MEI4: variants seen among roughly 807,000 people sequenced by gnomAD.
MEI4 encodes the protein meiosis-specific protein MEI4.
In MEI4, 27 loss-of-function variants were observed where a neutral mutation model predicts 31.4. That is an observed-to-expected ratio of 0.86 (90% CI 0.63 to 1.19). The LOEUF is 1.19. MEI4 is among the 50% of genes most tolerant of loss of function. The probability of loss-of-function intolerance (pLI) is 0.00; values close to 1 mark genes in which losing one functional copy is unlikely to be tolerated. For missense variants in MEI4, 329 were observed against 398.9 expected (o/e 0.82, Z 1.49); for synonymous variants, 122 against 145.4 (o/e 0.84, Z 1.16).
At chr6:77,716,380 G>A (rs192053110) in intron 2 of MEI4, among the ~76,000 whole-genome samples, 2 of 152,040 alleles carry the variant, frequency 1.3e-5, no homozygotes, top group Non-Finnish European at 2.9e-5. Context: ...TATGGTTAGA[G>A]GAGTTATTCT....
chr6:77,754,992 T>G (rs9343655), intron 2 of MEI4, among the ~76,000 whole-genome samples: 1 of 151,930 alleles, frequency 6.6e-6, no homozygotes, highest in African/African-American at 2.4e-5. Flanking sequence ...TGGGTTTAAT[T>G]TTATGGGTAA....
chr6:77,919,811 G>A (rs1486776938), intron 4 of MEI4, among the ~76,000 whole-genome samples: 1 of 149,000 alleles, frequency 6.7e-6, no homozygotes, highest in African/African-American at 2.4e-5. Flanking sequence ...AAATGATAAA[G>A]GGGATATCAC....
At chr6:77,699,507 C>T (rs1329922681) in intron 2 of MEI4, among the ~76,000 whole-genome samples, 2 of 152,190 alleles carry the variant, frequency 1.3e-5, no homozygotes, top group African/African-American at 2.4e-5. Flanking sequence ...TTTCTATCTT[C>T]TTTGCCATTG....
intron 2 of MEI4, among the ~76,000 whole-genome samples, chr6:77,699,266 TG>T (rs1766144626): frequency 6.9e-6 from 1 of 144,848 alleles, no homozygotes. Context: ...CTCGGCTCAC[TG>T]CAAGCTCGGC....
intron 4 of MEI4, among the ~76,000 whole-genome samples, chr6:77,853,592 T>A (rs1392407401): frequency 6.6e-6 from 1 of 152,202 alleles, no homozygotes; most frequent in African/African-American, 2.4e-5. Context: ...CAGGGTGCTT[T>A]GAAAATTGCA....
At chr6:77,657,482 T>C (rs1323825325) in intron 1 of MEI4, among the ~76,000 whole-genome samples, 2 of 60,242 alleles carry the variant, frequency 3.3e-5, no homozygotes, top group Non-Finnish European at 6.3e-5. Context: ...GAGCTTCCTG[T>C]ATTCTTTGTG....
chr6:77,860,574 C>T (rs1285022192), intron 4 of MEI4, among the ~76,000 whole-genome samples: 1 of 152,066 alleles, frequency 6.6e-6, no homozygotes. Context: ...GCCTTTATGA[C>T]ATTTCAAAGT....
intron 4 of MEI4, among the ~76,000 whole-genome samples, chr6:77,864,070 C>G (rs1229747998): frequency 2.0e-5 from 3 of 152,128 alleles, no homozygotes; most frequent in Admixed American, 6.6e-5. Context: ...TAAAAGAGCT[C>G]CTGAAGGAAG....
upstream of MEI4, among the ~76,000 whole-genome samples, chr6:77,652,164 A>C (rs1009829536): frequency 2.0e-5 from 3 of 152,222 alleles, no homozygotes; most frequent in African/African-American, 7.2e-5. Flanking sequence ...ATATGACTAC[A>C]TTGTGGAGAA....
intron 4 of MEI4, among the ~76,000 whole-genome samples, chr6:77,888,434 A>G (rs574529242): frequency 6.7e-6 from 1 of 149,158 alleles, no homozygotes; most frequent in African/African-American, 2.5e-5. Flanking sequence ...CATTTGCTCT[A>G]CCCTGAGTTT....
At chr6:77,886,322 C>A (rs1368312500) in intron 4 of MEI4, among the ~76,000 whole-genome samples, 2 of 152,132 alleles carry the variant, frequency 1.3e-5, no homozygotes, top group Non-Finnish European at 2.9e-5. Flanking sequence ...TTTCCTGATT[C>A]AATCTTGTTA....
chr6:77,833,192 A>G (rs1770126423), intron 4 of MEI4, among the ~76,000 whole-genome samples: 1 of 151,610 alleles, frequency 6.6e-6, no homozygotes, highest in South Asian at 2.1e-4. Flanking sequence ...TATATTCACC[A>G]TCTTATGACA....
intron 4 of MEI4, among the ~76,000 whole-genome samples, chr6:77,864,861 T>C (rs1050188554): frequency 1.6e-4 from 25 of 152,164 alleles, no homozygotes; most frequent in Middle Eastern, 3.4e-3. Flanking sequence ...TGTAAAAGAA[T>C]AGAAATTATA....
At chr6:77,841,334 T>TATATA (rs1554168570) in intron 4 of MEI4, among the ~76,000 whole-genome samples, 1,833 of 31,260 alleles carry the variant, frequency 0.059, 17 homozygotes, top group East Asian at 0.12. Context: ...TATATATATA[T>TATATA]TTTTTTTTTT....
chr6:77,662,918 G>T (rs1768539886), intron 1 of MEI4, among the ~76,000 whole-genome samples: 3 of 152,212 alleles, frequency 2.0e-5, no homozygotes, highest in Admixed American at 2.0e-4. Flanking sequence ...TGTCTGTGAA[G>T]CTTTGCAGCA....
chr6:77,694,276 T>C (rs926531233), intron 2 of MEI4, among the ~76,000 whole-genome samples: 1 of 152,078 alleles, frequency 6.6e-6, no homozygotes, highest in African/African-American at 2.4e-5. Context: ...TTTATTATTA[T>C]TACACTTTAA....
At chr6:77,765,254 T>C (rs183869449) in intron 3 of MEI4, among the ~76,000 whole-genome samples, 2 of 149,582 alleles carry the variant, frequency 1.3e-5, no homozygotes, top group Non-Finnish European at 2.9e-5. Flanking sequence ...GAAGTGATTA[T>C]ATCTTATTTT....
intron 2 of MEI4, among the ~76,000 whole-genome samples, chr6:77,696,909 G>A (rs979850493): frequency 5.3e-5 from 8 of 152,148 alleles, no homozygotes; most frequent in Non-Finnish European, 8.8e-5. Context: ...CCTCTTTTTG[G>A]TTGGTAAGCT....
At chr6:77,807,841 G>T (rs1290902272) in intron 3 of MEI4, among the ~76,000 whole-genome samples, 4 of 152,146 alleles carry the variant, frequency 2.6e-5, no homozygotes, top group Non-Finnish European at 4.4e-5. Flanking sequence ...ACCAAAGGCT[G>T]CAGAGTACTG....
Sources: gnomAD v4.1 joint callset for allele counts (sites outside exome capture counted in the v4.1 genomes callset) on GRCh38, gnomAD v4.1.1 for gene constraint, MANE v1.5 for transcripts, NCBI Gene and HGNC (gene_info 2026-07-23, HGNC 2026-07-21) for gene names.